Variants in STPG1 observed in about 807,000 individuals in gnomAD.
The protein encoded by STPG1 is sperm tail PG-rich repeat containing 1, also known as O(6)-methylguanine-induced apoptosis 2.
Under a neutral mutation model 40.1 loss-of-function variants are expected in STPG1, and 33 were observed. The ratio of observed to expected loss-of-function variants is 0.82; its 90% confidence interval spans 0.62 to 1.10. STPG1 has a LOEUF of 1.10. Ranked by LOEUF, STPG1 falls within the 50% of genes least tolerant of loss-of-function variation. The pLI is 0.00. For missense variants in STPG1, 396 were observed against 415.1 expected, an observed-to-expected ratio of 0.95 and a Z score of 0.40; for synonymous variants, 150 against 155.0, an observed-to-expected ratio of 0.97 and a Z score of 0.24.
At chr1:24,401,981 C>G (rs2148712715) in intron 1 of STPG1, among the ~76,000 whole-genome samples, 1 of 152,314 alleles carries the variant, frequency 6.6e-6, no homozygotes, top group South Asian at 2.1e-4. Context: ...GCCACCATGC[C>G]TGGCCTATTT....
At chr1:24,402,068 T>A (rs1643248688) in intron 1 of STPG1, among the ~76,000 whole-genome samples, 1 of 152,156 alleles carries the variant, frequency 6.6e-6, no homozygotes, top group African/African-American at 2.4e-5. Context: ...CAATTCCAAG[T>A]TTTGGCAAAT....
intron 1 of STPG1, among the ~76,000 whole-genome samples, chr1:24,413,003 TGTTA>T (rs1479087667): frequency 6.6e-6 from 1 of 152,268 alleles, no homozygotes; most frequent in African/African-American, 2.4e-5. Context: ...CTATGTATAC[TGTTA>T]CTTTAGATAG....
chr1:24,394,170 G>A (rs1044118861), intron 2 of STPG1, among the ~76,000 whole-genome samples: 3 of 152,192 alleles, frequency 2.0e-5, no homozygotes, highest in East Asian at 1.9e-4. Flanking sequence ...CCACAGGGCC[G>A]GGAATAGCTC....
At position 24,358,510 on chromosome 1, in the gene STPG1, G is replaced by T; in HGVS notation, c.*33C>A. 1 of 1,568,210 alleles carries T rather than the reference G, an allele frequency of 6.4e-7. No homozygotes were observed. Among genetic ancestry groups the T allele is most frequent in the Non-Finnish European group, 8.8e-7 (1 of 1,138,158 alleles). Reference sequence around the variant, plus strand: ...GGGACGCTGGGCAGGGTGGGCTGGTGGCTGGAGTTCTCCTTGACCTTGTGT... The same window carrying T: ...GGGACGCTGGGCAGGGTGGGCTGGTTGCTGGAGTTCTCCTTGACCTTGTGT... On this transcript the variant is annotated 3_prime_UTR_variant, in exon 9 of 9. Transcript: ENST00000337248.
At chr1:24,367,495 A>G (rs532391872) in intron 7 of STPG1, among the ~76,000 whole-genome samples, 5 of 152,316 alleles carry the variant, frequency 3.3e-5, no homozygotes, top group African/African-American at 1.2e-4. Flanking sequence ...TACAATAACC[A>G]CAGCTATCAT....
In STPG1 at chr1:24,357,869, G is replaced by T. The variant is rs1640823483; in HGVS notation, c.*674C>A. ...AGTCCCGCCAGCAGAGAAAGTCAGG[G>T]AAAAGCGCAGCCCCCGGGCCCGGCC... On this transcript the variant is annotated 3_prime_UTR_variant, in exon 9 of 9. Coordinates refer to ENST00000337248, the MANE Select transcript of STPG1 (RefSeq NM_001199013.2). 1 of 308,534 alleles carries T rather than the reference G, an allele frequency of 3.2e-6. No individual in the cohort carries two copies. The highest frequency in any genetic ancestry group is 6.4e-6 in the Non-Finnish European group (1 of 157,082). 19.1% of individuals were successfully genotyped at this position (308,534 alleles called of 1,614,324 possible). A position where few individuals can be genotyped will look rare whatever the true frequency, so the allele number is the denominator to read the frequency against.
At chr1:24,395,393 A>AT (rs1642952262) in intron 2 of STPG1, among the ~76,000 whole-genome samples, 2 of 146,342 alleles carry the variant, frequency 1.4e-5, no homozygotes, top group African/African-American at 4.9e-5. Flanking sequence ...ATGTGGGTAA[A>AT]TAGAAAATAT....
In STPG1 at chr1:24,391,546, A is replaced by T; in HGVS notation, c.189+15T>A. 6.9e-7 allele frequency: 1 copy of T among 1,450,250 alleles called. No individual in the cohort carries two copies. 89.8% of individuals were successfully genotyped at this position (1,450,250 alleles called of 1,614,324 possible). On this transcript the variant is annotated intron_variant, in intron 3 of 8. Coordinates refer to ENST00000337248, the MANE Select transcript of STPG1 (RefSeq NM_001199013.2). Reference sequence around the variant, plus strand: ...CCAGACTAAAACGAAAGAACCCCTGAGACAACGTCATTACCTTCTTATGAG... The same window carrying T: ...CCAGACTAAAACGAAAGAACCCCTGTGACAACGTCATTACCTTCTTATGAG...
At position 24,369,712 on chromosome 1, in the gene STPG1, G is replaced by A. The variant is rs762369445; in HGVS notation, c.699C>T (p.Pro233=). Reference sequence around the variant, plus strand: ...TTTTTGGAACTTTTGTGCAATCACTGGGGTTGTAATAACCAGGTCCCGGGC... The same window carrying A: ...TTTTTGGAACTTTTGTGCAATCACTAGGGTTGTAATAACCAGGTCCCGGGC... ...STGPGPGYYN[P]SDCTKVPKKT... is the part of the protein sequence containing the mutation. The change falls in exon 7 of 9, where the codon CCC becomes CCT. Residue 233 remains proline, a synonymous_variant. Coordinates refer to ENST00000337248, the MANE Select transcript of STPG1 (RefSeq NM_001199013.2). 10 of 1,607,070 alleles carry A rather than the reference G, an allele frequency of 6.2e-6. No individual in the cohort carries two copies. In the Admixed American group the frequency reaches 6.8e-5, roughly 11 times the overall value.
rs1455305316 is a variant in STPG1 at position 24,401,447 on chromosome 1, TC to T, written c.-60del. The T allele has an allele frequency of 6.8e-7, 1 of 1,470,984 alleles. No individual in the cohort carries two copies. The highest frequency in any genetic ancestry group is 9.5e-7 in the Non-Finnish European group (1 of 1,053,864). The allele number at this position is 1,470,984 out of a possible 1,614,324, so 91.1% of individuals were successfully genotyped here. A position where few individuals can be genotyped will look rare whatever the true frequency, so the allele number is the denominator to read the frequency against. ...TGATGAAAAGTTCTACTGCATGTTCTCCTAAGCACCTGAAACAGCAAAACAC... is the reference window on the plus strand; with the variant it reads ...TGATGAAAAGTTCTACTGCATGTTCTCTAAGCACCTGAAACAGCAAAACAC... On this transcript the variant is annotated 5_prime_UTR_variant, in exon 2 of 9. Transcript: ENST00000337248.
chr1:24,395,300 AG>A (rs1460085186), intron 2 of STPG1, among the ~76,000 whole-genome samples: 1 of 152,166 alleles, frequency 6.6e-6, no homozygotes, highest in African/African-American at 2.4e-5. Flanking sequence ...AGAAATGTTA[AG>A]GGAAGCCCTT....
intron 7 of STPG1, chr1:24,369,293 A>T: frequency 2.2e-6 from 1 of 464,438 alleles, no homozygotes; most frequent in Non-Finnish European, 4.4e-6. Context: ...AGGGGAATCC[A>T]GCATCACAGG....
At chr1:24,377,029 G>A (rs1226166290) in intron 5 of STPG1, among the ~76,000 whole-genome samples, 1 of 152,008 alleles carries the variant, frequency 6.6e-6, no homozygotes, top group Non-Finnish European at 1.5e-5. Flanking sequence ...GGGAGGCCGA[G>A]GTGGATGGAT....
chr1:24,389,828 C>A (rs1642684566), intron 3 of STPG1, among the ~76,000 whole-genome samples: 1 of 152,154 alleles, frequency 6.6e-6, no homozygotes, highest in South Asian at 2.1e-4. Flanking sequence ...AACTCCTGAG[C>A]AAATATGTAT....
chr1:24,363,381 G>T (rs1289519312), intron 7 of STPG1, among the ~76,000 whole-genome samples: 1 of 152,186 alleles, frequency 6.6e-6, no homozygotes, highest in African/African-American at 2.4e-5. Context: ...AGGCAGTTCT[G>T]TACTAAGACA....
chr1:24,365,141 T>G (rs907128468), intron 7 of STPG1, among the ~76,000 whole-genome samples: 6 of 152,122 alleles, frequency 3.9e-5, no homozygotes, highest in Non-Finnish European at 8.8e-5. Flanking sequence ...GCATCCCATA[T>G]CTAATTGAAA....
intron 5 of STPG1, among the ~76,000 whole-genome samples, chr1:24,378,464 T>A (rs1475278131): frequency 6.6e-6 from 1 of 152,008 alleles, no homozygotes; most frequent in Non-Finnish European, 1.5e-5. Flanking sequence ...TGAAACCCCA[T>A]CTCTACTAAA....
At chr1:24,396,293 A>ATCTG (rs1368942737) in intron 2 of STPG1, among the ~76,000 whole-genome samples, 2 of 106,284 alleles carry the variant, frequency 1.9e-5, no homozygotes, top group Admixed American at 1.0e-4. Context: ...CTATCTATCT[A>ATCTG]TCTATCATCT....
chr1:24,397,382 C>A (rs1285699298), intron 2 of STPG1, among the ~76,000 whole-genome samples: 1 of 152,004 alleles, frequency 6.6e-6, no homozygotes, highest in Non-Finnish European at 1.5e-5. Context: ...ACAAGCTGTC[C>A]CAGAAAACTG....
Sources: gnomAD v4.1 joint callset for allele counts (sites outside exome capture counted in the v4.1 genomes callset) on GRCh38, gnomAD v4.1.1 for gene constraint, MANE v1.5 for transcripts, NCBI Gene and HGNC (gene_info 2026-07-23, HGNC 2026-07-21) for gene names.